The following EFCAB7 variants were observed in gnomAD, a reference collection of about 807,000 sequenced individuals.
EFCAB7 encodes EF-hand calcium binding domain 7.
In EFCAB7, 66 loss-of-function variants were observed where a neutral mutation model predicts 77.1. The observed-to-expected ratio is 0.86, with a 90% CI of 0.70 to 1.05. The LOEUF (loss-of-function observed/expected upper bound fraction) is 1.05, where lower values mean the gene tolerates loss of function less well. Ranked by LOEUF, EFCAB7 falls within the 50% of genes least tolerant of loss-of-function variation. The pLI is 0.00. For synonymous variants in EFCAB7, 225 were observed against 243.3 expected (o/e 0.92, Z 0.70); for missense variants, 638 against 730.5 (o/e 0.87, Z 1.46).
chr1:63,549,567 A>G lies in EFCAB7; in HGVS notation c.947-2158A>G, dbSNP rs1207020584. 7 of 446,944 alleles carry G rather than the reference A, an allele frequency of 1.6e-5. No homozygotes were observed. The Admixed American group carries it at 1.7e-4, about 11-fold the overall frequency. The allele number at this position is 446,944 out of a possible 1,614,324, so 27.7% of individuals were successfully genotyped here. On this transcript the variant is annotated intron_variant, in intron 7 of 13. Coordinates refer to ENST00000371088, the MANE Select transcript of EFCAB7 (RefSeq NM_032437.4). ...TCTCGTTGAATACTATCAAAAAGGA[A>G]AAAAAAATGACCTAAACTTTTGAGA...
In EFCAB7 at chr1:63,572,503, C is replaced by A. The variant is rs149784056; in HGVS notation, c.1877C>A (p.Ser626Tyr). The change falls in exon 14 of 14, where the codon TCT becomes TAT. Residue 626 changes from serine to tyrosine, a missense_variant. Ser to Tyr is a moderately radical substitution (Grantham distance 144, BLOSUM62 -2). Coordinates refer to ENST00000371088, the MANE Select transcript of EFCAB7 (RefSeq NM_032437.4). ...GAATGGATATATTATTGTATATATTCTCTTATTTCTTAAATAATTATACTT... is the reference window on the plus strand; with the variant it reads ...GAATGGATATATTATTGTATATATTATCTTATTTCTTAAATAATTATACTT... Reference protein sequence around the residue: ...RQEWIYYCIYSLIS With the variant: ...RQEWIYYCIYYLIS The A allele has an allele frequency of 2.7e-6, 4 of 1,495,654 alleles. No individual in the cohort carries two copies. Among genetic ancestry groups the A allele is most frequent in the African/African-American group, 1.4e-5 (1 of 69,874 alleles). The allele number at this position is 1,495,654 out of a possible 1,614,324, so 92.6% of individuals were successfully genotyped here. A position where few individuals can be genotyped will look rare whatever the true frequency, so the allele number is the denominator to read the frequency against.
chr1:63,527,057 G>A (rs1646605370), intron 2 of EFCAB7, among the ~76,000 whole-genome samples: 1 of 152,192 alleles, frequency 6.6e-6, no homozygotes, highest in East Asian at 1.9e-4. Context: ...GAGCCACCAC[G>A]CCTGGCCAAT....
chr1:63,540,228 G>A (rs541540066), intron 6 of EFCAB7, among the ~76,000 whole-genome samples: 26 of 152,020 alleles, frequency 1.7e-4, no homozygotes, highest in African/African-American at 6.3e-4. Flanking sequence ...GCTGGGTGTG[G>A]TGGCAGGCCC....
intron 7 of EFCAB7, chr1:63,547,289 C>T (rs987428214): frequency 4.6e-5 from 7 of 152,104 alleles, no homozygotes; most frequent in Admixed American, 6.5e-5. Flanking sequence ...ATATACCAGA[C>T]ATCAGTTTAG....
chr1:63,584,192 A>T, the EFCAB7 span, among the ~76,000 whole-genome samples: 1 of 152,218 alleles, frequency 6.6e-6, no homozygotes, highest in Admixed American at 6.5e-5. Flanking sequence ...AACTAAAGCA[A>T]ACAGTGGAAG....
At chr1:63,563,101 G>A (rs1217852582) in intron 11 of EFCAB7, among the ~76,000 whole-genome samples, 1 of 152,090 alleles carries the variant, frequency 6.6e-6, no homozygotes, top group Non-Finnish European at 1.5e-5. Context: ...TCTAATCTAG[G>A]AACAATATTG....
At chr1:63,554,127 A>G (rs1646998866) in intron 8 of EFCAB7, among the ~76,000 whole-genome samples, 1 of 151,900 alleles carries the variant, frequency 6.6e-6, no homozygotes, top group Non-Finnish European at 1.5e-5. Context: ...CTGGCCTTAT[A>G]CCTGGGTTTT....
At chr1:63,581,023 G>GT in the EFCAB7 span, among the ~76,000 whole-genome samples, 1 of 152,024 alleles carries the variant, frequency 6.6e-6, no homozygotes, top group Non-Finnish European at 1.5e-5. Flanking sequence ...AATGGGGACA[G>GT]TTTCATTTCT....
At chr1:63,584,510 C>T in the EFCAB7 span, among the ~76,000 whole-genome samples, 2 of 152,116 alleles carry the variant, frequency 1.3e-5, no homozygotes, top group Admixed American at 6.5e-5. Flanking sequence ...TATGATTGCA[C>T]CACCACAATC....
In EFCAB7 at chr1:63,571,026, T is replaced by G. The variant is rs74568205; in HGVS notation, c.1713T>G (p.Asp571Glu). 2.7e-3 allele frequency: 4,371 copies of G among 1,601,954 alleles called. 108 individuals are homozygous for G. The African/African-American group carries it at 0.051, about 19-fold the overall frequency. The part of the protein sequence containing the change: ...WITSVIENKS[D>E]EKVIIHISNE... ...ATGAAATCTTTTTTTAATAGTCAGA[T>G]GAGAAAGTGATTATTCACATCAGCA... The change falls in exon 13 of 14, where the codon GAT becomes GAG. Residue 571 changes from aspartate (D) to glutamate (E), a missense_variant. Transcript: ENST00000371088.
At chr1:63,556,410 T>C (rs369014894) in intron 9 of EFCAB7, among the ~76,000 whole-genome samples, 3 of 152,260 alleles carry the variant, frequency 2.0e-5, no homozygotes, top group Admixed American at 6.5e-5. Flanking sequence ...CATCTGAAAA[T>C]GTTCCTCCAT....
At position 63,572,473 on chromosome 1, in the gene EFCAB7, G is replaced by C. The variant is rs530335424; in HGVS notation, c.1847G>C (p.Arg616Pro). The C allele has an allele frequency of 6.4e-7, 1 of 1,571,162 alleles. No individual in the cohort carries two copies. Among genetic ancestry groups the C allele is most frequent in the Admixed American group, 1.9e-5 (1 of 53,190 alleles). ...CAACATGTAATGCCTTTGAATGAAC[G>C]ACAAGAATGGATATATTATTGTATA... is the stretch of plus-strand genomic sequence containing the variant. ...VCQHVMPLNE[R>P]QEWIYYCIYS... The change falls in exon 14 of 14, where the codon CGA becomes CCA. Residue 616 changes from arginine (R) to proline (P), a missense_variant. Arg to Pro is a moderately radical substitution (Grantham distance 103, BLOSUM62 -2). Coordinates refer to ENST00000371088, the MANE Select transcript of EFCAB7 (RefSeq NM_032437.4).
chr1:63,544,672 AAG>A (rs1261174986), intron 6 of EFCAB7, among the ~76,000 whole-genome samples: 1 of 152,126 alleles, frequency 6.6e-6, no homozygotes, highest in African/African-American at 2.4e-5. Context: ...TGGCCTCCCA[AAG>A]GGCTGGGATT....
At chr1:63,574,856 G>C (rs1647366305), downstream of EFCAB7, among the ~76,000 whole-genome samples, 1 of 152,214 alleles carries the variant, frequency 6.6e-6, no homozygotes, top group Non-Finnish European at 1.5e-5. Flanking sequence ...GAGGTCTCGA[G>C]TTAAGGCAGT....
chr1:63,569,476 G>C (rs170090), intron 12 of EFCAB7: 3 of 151,956 alleles, frequency 2.0e-5, no homozygotes, highest in Non-Finnish European at 2.9e-5. Context: ...GGACCATAGA[G>C]GTTGGGGAAG....
intron 7 of EFCAB7, among the ~76,000 whole-genome samples, chr1:63,551,470 AG>A (rs1246341307): frequency 6.6e-6 from 1 of 152,314 alleles, no homozygotes; most frequent in East Asian, 1.9e-4. Flanking sequence ...ACATGCCTGT[AG>A]TCTCAGCTAC....
At chr1:63,534,241 G>T (rs1048952830) in intron 6 of EFCAB7, 25 bp downstream of exon 6, 3 of 1,595,498 alleles carry the variant, frequency 1.9e-6, no homozygotes, top group South Asian at 2.2e-5. Flanking sequence ...GTTAACAGAT[G>T]ACTTTTTCTG....
chr1:63,561,026 A>C (rs563300763), intron 10 of EFCAB7, among the ~76,000 whole-genome samples: 1 of 152,358 alleles, frequency 6.6e-6, no homozygotes, highest in African/African-American at 2.4e-5. Context: ...ATAACGACTT[A>C]TTATCCATGT....
chr1:63,545,388 C>G (rs1415207019), intron 6 of EFCAB7, among the ~76,000 whole-genome samples: 1 of 152,194 alleles, frequency 6.6e-6, no homozygotes, highest in Admixed American at 6.5e-5. Context: ...GTGTTAGGCA[C>G]TATTTTAGGA....
Sources: allele counts gnomAD v4.1 joint callset (sites outside exome capture counted in the v4.1 genomes callset), GRCh38; gene constraint gnomAD v4.1.1; transcripts MANE v1.5; gene names NCBI Gene and HGNC (gene_info 2026-07-23, HGNC 2026-07-21).